The following ADARB1 variants were observed in gnomAD, a reference collection of about 807,000 sequenced individuals.
The protein encoded by ADARB1 is adenosine deaminase RNA specific B1.
A neutral mutation model predicts 52.4 loss-of-function variants in ADARB1; 10 were observed. That is an observed-to-expected ratio of 0.19 (90% confidence interval 0.12 to 0.32). The LOEUF is 0.32. Among genes scored for constraint, ADARB1 ranks in the 10% least tolerant of loss-of-function variants. The probability of loss-of-function intolerance (pLI) is 1.00; values close to 1 mark genes in which losing one functional copy is unlikely to be tolerated. For synonymous variants in ADARB1, 349 were observed against 371.1 expected (o/e 0.94, Z 0.68); for missense variants, 643 against 922.3 (o/e 0.70, Z 3.92).
At chr21:45,139,661 G>T (rs376713445) in intron 2 of ADARB1, among the ~76,000 whole-genome samples, 1 of 152,166 alleles carries the variant, frequency 6.6e-6, no homozygotes, top group South Asian at 2.1e-4. Context: ...GTGGGGCCGC[G>T]TGCGCCCGTG....
intron 8 of ADARB1, among the ~76,000 whole-genome samples, chr21:45,203,523 A>G (rs1251271917): frequency 6.6e-6 from 1 of 152,052 alleles, no homozygotes; most frequent in East Asian, 1.9e-4. Context: ...AGACACAGCA[A>G]CTCCCAGGCT....
At chr21:45,205,246 G>A (rs1280067048) in intron 9 of ADARB1, among the ~76,000 whole-genome samples, 1 of 151,944 alleles carries the variant, frequency 6.6e-6, no homozygotes, top group Non-Finnish European at 1.5e-5. Flanking sequence ...GGACAACAGA[G>A]TGAGACCCTG....
chr21:45,190,760 C>T lies in ADARB1; in HGVS notation c.1565+5669C>T, dbSNP rs575312129. Among the ~76,000 whole-genome samples, 6 of 152,326 alleles carry T rather than the reference C, an allele frequency of 3.9e-5. No homozygotes were observed. The South Asian group carries it at 1.0e-3, about 26-fold the overall frequency. The stretch of plus-strand genomic sequence containing the variant: ...CAAACTCTGGCACCAGTCTCATCAC[C>T]GAGTCTGATGAGACTCAGGCAAGAC... On this transcript the variant is annotated intron_variant, in intron 8 of 10. Transcript: ENST00000348831.
At chr21:45,136,783 G>C (rs767584793) in intron 2 of ADARB1, among the ~76,000 whole-genome samples, 59 of 152,378 alleles carry the variant, frequency 3.9e-4, no homozygotes, top group Admixed American at 1.3e-3. Context: ...CCCCCAGCTG[G>C]TGTCCACAGG....
chr21:45,170,830 T>G (rs926939962), intron 2 of ADARB1, among the ~76,000 whole-genome samples: 126 of 152,342 alleles, frequency 8.3e-4, no homozygotes, highest in African/African-American at 2.9e-3. Flanking sequence ...CTAAAATATT[T>G]AAGAAGAGGA....
intron 1 of ADARB1, among the ~76,000 whole-genome samples, chr21:45,106,040 C>G (rs1002965004): frequency 6.6e-6 from 1 of 152,148 alleles, no homozygotes; most frequent in Non-Finnish European, 1.5e-5. Flanking sequence ...AACAAGCTAC[C>G]CTGATGTCAT....
intron 1 of ADARB1, among the ~76,000 whole-genome samples, chr21:45,112,565 C>T (rs2087591879): frequency 6.6e-6 from 1 of 151,968 alleles, no homozygotes; most frequent in African/African-American, 2.4e-5. Flanking sequence ...GTTCTAAATG[C>T]AGTTGGGTGG....
intron 9 of ADARB1, among the ~76,000 whole-genome samples, chr21:45,213,972 T>A (rs1000169397): frequency 3.9e-5 from 6 of 152,220 alleles, no homozygotes; most frequent in African/African-American, 1.4e-4. Flanking sequence ...ATTAACCTGT[T>A]TTCCAAAATG....
intron 2 of ADARB1, among the ~76,000 whole-genome samples, chr21:45,163,506 G>T (rs2091087190): frequency 6.6e-6 from 1 of 152,200 alleles, no homozygotes; most frequent in African/African-American, 2.4e-5. Flanking sequence ...GGGGCAACCA[G>T]CTTTGCACAA....
In ADARB1 at chr21:45,180,709, G is replaced by A. The variant is rs551182781; in HGVS notation, c.1078+265G>A. ...TTCCTGTCATCTTCATCCTGTGAATGGCCTCAATCTGCTCTGGAAGATGGC... is the reference window on the plus strand; with the variant it reads ...TTCCTGTCATCTTCATCCTGTGAATAGCCTCAATCTGCTCTGGAAGATGGC... On this transcript the variant is annotated intron_variant, in intron 5 of 10. Transcript: ENST00000348831. 2.0e-5 allele frequency among the ~76,000 whole-genome samples: 3 copies of A among 152,250 alleles called. No individual in the cohort carries two copies. The East Asian group carries it at 5.8e-4, about 29-fold the overall frequency.
At chr21:45,177,405 C>A (rs570949544) in intron 4 of ADARB1, 3 of 152,210 alleles carry the variant, frequency 2.0e-5, no homozygotes, top group African/African-American at 7.2e-5. Flanking sequence ...ACCTCCCCAG[C>A]GCAGTGAAAT....
At chr21:45,109,296 ATG>A (rs750823404) in intron 1 of ADARB1, among the ~76,000 whole-genome samples, 3 of 141,040 alleles carry the variant, frequency 2.1e-5, no homozygotes, top group Non-Finnish European at 4.6e-5. Context: ...TTGTGCATAT[ATG>A]TGTGTGCACG....
chr21:45,129,339 A>T (rs1317230578), intron 2 of ADARB1, among the ~76,000 whole-genome samples: 5 of 152,218 alleles, frequency 3.3e-5, no homozygotes, highest in Non-Finnish European at 5.9e-5. Context: ...CAGTAAAATT[A>T]GTATGGTGTC....
rs898818846 is a variant in ADARB1 at position 45,204,437 on chromosome 21, CAGTT to C, written c.1566-117_1566-114del. The C allele has an allele frequency of 9.4e-6, 9 of 961,500 alleles. No individual in the cohort carries two copies. Among genetic ancestry groups the C allele is most frequent in the East Asian group, 2.4e-5 (1 of 41,114 alleles). The allele number at this position is 961,500 out of a possible 1,614,324, so 59.6% of individuals were successfully genotyped here. On this transcript the variant is annotated intron_variant, in intron 8 of 10. Transcript: ENST00000348831. This position sits in a 1 kb window ranked among gnomAD's most constrained non-coding sequence, Gnocchi z 4.4. ...TTAACTTTTTGTTGCACTCCTTCGT[CAGTT>C]GGTTGGGATCCTGCGGAATTGCCAG... is the stretch of plus-strand genomic sequence containing the variant.
chr21:45,209,350 G>C lies in ADARB1; in HGVS notation c.1747+4614G>C, dbSNP rs2092724544. ...TTCTAACCAGTTTTCTGTAGCCAGT[G>C]CTCCTGCCCTTAACTCCACATCCAG... On this transcript the variant is annotated intron_variant, in intron 9 of 10. Transcript: ENST00000348831. 2.6e-5 allele frequency among the ~76,000 whole-genome samples: 4 copies of C among 152,222 alleles called. 1 individual carries two copies. Among genetic ancestry groups the C allele is most frequent in the Admixed American group, 1.3e-4 (2 of 15,288 alleles).
intron 1 of ADARB1, among the ~76,000 whole-genome samples, chr21:45,109,306 A>G (rs2087422365): frequency 6.9e-6 from 1 of 145,948 alleles, no homozygotes; most frequent in South Asian, 2.2e-4. Context: ...ATGTGTGTGC[A>G]CGTGTGTGCG....
At chr21:45,187,566 T>C (rs1452500288) in intron 8 of ADARB1, among the ~76,000 whole-genome samples, 2 of 152,254 alleles carry the variant, frequency 1.3e-5, no homozygotes, top group African/African-American at 4.8e-5. Flanking sequence ...GTGGCAAAAG[T>C]GGACATCCTT....
chr21:45,084,995 C>T (rs907698737), intron 1 of ADARB1, among the ~76,000 whole-genome samples: 2 of 151,986 alleles, frequency 1.3e-5, no homozygotes, highest in African/African-American at 2.4e-5. Flanking sequence ...GCAGTGAGCC[C>T]GGGCTTCTGG....
chr21:45,200,129 TG>T lies in ADARB1; in HGVS notation c.1566-4424del, dbSNP rs980154125. 2.0e-5 allele frequency among the ~76,000 whole-genome samples: 3 copies of T among 152,076 alleles called. No homozygotes were observed. The highest frequency in any genetic ancestry group is 7.3e-5 in the African/African-American group (3 of 41,370). ...AGTTGAGAGTGGGGAGCAGCCACCT[TG>T]GAGGGCCAGGTGGATGGGGCTGGGT... On this transcript the variant is annotated intron_variant, in intron 8 of 10. Coordinates refer to ENST00000348831, the MANE Select transcript of ADARB1 (RefSeq NM_001112.4). This position sits in a 1 kb window ranked among gnomAD's most constrained non-coding sequence, Gnocchi z 5.0.
Sources: allele counts gnomAD v4.1 joint callset (sites outside exome capture counted in the v4.1 genomes callset), GRCh38; gene constraint gnomAD v4.1.1; non-coding constraint Gnocchi (gnomAD v3.1); transcripts MANE v1.5; gene names NCBI Gene and HGNC (gene_info 2026-07-23, HGNC 2026-07-21).